Variants in ASIC2 observed in about 807,000 individuals in gnomAD.
The protein encoded by ASIC2 is acid-sensing ion channel 2.
In ASIC2, 25 loss-of-function variants were observed where a neutral mutation model predicts 57.3. The observed-to-expected ratio is 0.44, with a 90% confidence interval of 0.32 to 0.61. ASIC2 has a LOEUF of 0.61. Ranked by LOEUF, ASIC2 falls within the 20% of genes least tolerant of loss-of-function variation. ASIC2 has a pLI of 0.06. For synonymous variants in ASIC2, 319 were observed against 307.5 expected (o/e 1.04, Z -0.39); for missense variants, 641 against 738.1 (o/e 0.87, Z 1.52).
chr17:33,840,892 A>T (rs934261372), intron 1 of ASIC2, among the ~76,000 whole-genome samples: 1 of 152,018 alleles, frequency 6.6e-6, no homozygotes, highest in Non-Finnish European at 1.5e-5. Context: ...GCACATTAAC[A>T]AAATTGGAGC....
chr17:34,071,492 T>G (rs1185260963), intron 1 of ASIC2: 2 of 151,958 alleles, frequency 1.3e-5, no homozygotes, highest in Non-Finnish European at 2.9e-5. Flanking sequence ...AGGACACTTA[T>G]AAAAGAAGAG....
chr17:33,214,621 T>A (rs1235620846), intron 1 of ASIC2, among the ~76,000 whole-genome samples: 3 of 152,192 alleles, frequency 2.0e-5, no homozygotes, highest in Admixed American at 1.3e-4. Flanking sequence ...TACTTGGAGA[T>A]CTTGTTGAAA....
At chr17:33,111,887 C>T (rs9916605) in intron 2 of ASIC2, 30 bp downstream of exon 2, 67,535 of 1,591,908 alleles carry the variant, frequency 0.042, 2,487 homozygotes, top group African/African-American at 0.2. Flanking sequence ...TCCACCATCA[C>T]CCAATGCCCG....
chr17:33,780,161 G>A (rs1192917443), intron 1 of ASIC2, among the ~76,000 whole-genome samples: 1 of 151,808 alleles, frequency 6.6e-6, no homozygotes, highest in Non-Finnish European at 1.5e-5. Flanking sequence ...GGTAGAGACG[G>A]GGTTTTGCTA....
chr17:33,603,760 A>C (rs1427524588), intron 1 of ASIC2, among the ~76,000 whole-genome samples: 1 of 152,214 alleles, frequency 6.6e-6, no homozygotes, highest in African/African-American at 2.4e-5. Context: ...CCTAGATTTC[A>C]GTTATTTAAC....
chr17:33,866,580 C>T (rs1331156706), intron 1 of ASIC2, among the ~76,000 whole-genome samples: 1 of 152,126 alleles, frequency 6.6e-6, no homozygotes, highest in Non-Finnish European at 1.5e-5. Flanking sequence ...GTTCATACTT[C>T]CAGGTTTCTT....
chr17:33,274,804 C>A (rs12452394), intron 1 of ASIC2, among the ~76,000 whole-genome samples: 3 of 151,832 alleles, frequency 2.0e-5, no homozygotes, highest in African/African-American at 4.8e-5. Context: ...AGGCCCAGAG[C>A]GGGCAGCTAA....
intron 1 of ASIC2, among the ~76,000 whole-genome samples, chr17:33,556,902 G>T (rs541857253): frequency 6.6e-6 from 1 of 152,210 alleles, no homozygotes; most frequent in South Asian, 2.1e-4. Flanking sequence ...AGTAGAACAT[G>T]TCTTGGTCTG....
chr17:34,075,558 G>A (rs1323689663), intron 1 of ASIC2, among the ~76,000 whole-genome samples: 1 of 152,154 alleles, frequency 6.6e-6, no homozygotes, highest in Non-Finnish European at 1.5e-5. Context: ...AGGAAGTGAG[G>A]AGCTGAAAAC....
chr17:33,132,278 A>G (rs989424638), intron 1 of ASIC2, among the ~76,000 whole-genome samples: 8 of 152,170 alleles, frequency 5.3e-5, no homozygotes, highest in South Asian at 4.1e-4. Context: ...TCTGCCCCCA[A>G]ACTGGGTAGT....
intron 1 of ASIC2, among the ~76,000 whole-genome samples, chr17:34,088,842 C>T (rs112182368): frequency 0.021 from 3,171 of 152,306 alleles, 108 homozygotes; most frequent in African/African-American, 0.061. Context: ...CTCCGAGCCA[C>T]GTGCGGGATA....
chr17:33,345,159 G>T (rs2142241579), intron 1 of ASIC2, among the ~76,000 whole-genome samples: 1 of 152,240 alleles, frequency 6.6e-6, no homozygotes, highest in African/African-American at 2.4e-5. Flanking sequence ...ATGCAGTAAG[G>T]GGCTCCAGTT....
chr17:33,543,149 G>T (rs112816790), intron 1 of ASIC2, among the ~76,000 whole-genome samples: 13,197 of 113,854 alleles, frequency 0.12, 676 homozygotes, highest in East Asian at 0.31. Context: ...GGTGGGGGGA[G>T]GGGGGAGGGA....
chr17:33,576,031 G>A (rs1916611149), intron 1 of ASIC2, among the ~76,000 whole-genome samples: 2 of 152,158 alleles, frequency 1.3e-5, no homozygotes, highest in South Asian at 4.1e-4. Context: ...ATAAAAAACT[G>A]GACACAGTTC....
At chr17:33,969,729 C>G (rs1412475264) in intron 1 of ASIC2, among the ~76,000 whole-genome samples, 1 of 152,116 alleles carries the variant, frequency 6.6e-6, no homozygotes, top group South Asian at 2.1e-4. Flanking sequence ...GGCAGGAACT[C>G]CAGGGCACTT....
chr17:33,578,520 G>C (rs1013195821), intron 1 of ASIC2, among the ~76,000 whole-genome samples: 6 of 152,136 alleles, frequency 3.9e-5, no homozygotes, highest in African/African-American at 7.2e-5. Flanking sequence ...GAAGAATAAA[G>C]GGACATAGAC....
intron 1 of ASIC2, among the ~76,000 whole-genome samples, chr17:33,893,808 G>A (rs979316814): frequency 6.6e-6 from 1 of 152,196 alleles, no homozygotes; most frequent in African/African-American, 2.4e-5. Context: ...CATATGGCAT[G>A]TGCTTTGCAA....
intron 1 of ASIC2, among the ~76,000 whole-genome samples, chr17:33,123,688 C>T (rs1276916368): frequency 2.6e-5 from 4 of 152,212 alleles, no homozygotes; most frequent in Admixed American, 1.3e-4. Flanking sequence ...AGGTGAACTT[C>T]GCTTTCCCCG....
intron 1 of ASIC2, among the ~76,000 whole-genome samples, chr17:33,239,103 C>A (rs1459172618): frequency 2.0e-5 from 3 of 152,090 alleles, no homozygotes; most frequent in African/African-American, 7.2e-5. Context: ...ACCACACTGA[C>A]AAACATGTGA....
Sources: allele counts gnomAD v4.1 joint callset (sites outside exome capture counted in the v4.1 genomes callset), GRCh38; gene constraint gnomAD v4.1.1; transcripts MANE v1.5; gene names NCBI Gene and HGNC (gene_info 2026-07-23, HGNC 2026-07-21).